The following RHOU variants were observed in gnomAD, a reference collection of about 807,000 sequenced individuals.
The protein encoded by RHOU is rho-related GTP-binding protein RhoU.
Under a neutral mutation model 12.6 loss-of-function variants are expected in RHOU, and 8 were observed. The ratio of observed to expected loss-of-function variants is 0.64; its 90% CI spans 0.37 to 1.15. RHOU has a LOEUF of 1.15. Ranked by LOEUF, RHOU falls within the 50% of genes most tolerant of loss-of-function variation. RHOU has a pLI of 0.01. For missense variants in RHOU, 258 were observed against 347.0 expected (o/e 0.74, Z 2.04); for synonymous variants, 161 against 147.4 (o/e 1.09, Z -0.67).
Position 228,735,848 on chromosome 1 carries a change from C to T in RHOU, c.106C>T (p.Pro36Ser). 3.8e-6 allele frequency: 5 copies of T among 1,316,156 alleles called. No individual in the cohort carries two copies. The highest frequency in any genetic ancestry group is 4.8e-6 in the Non-Finnish European group (5 of 1,035,234). 81.5% of individuals were successfully genotyped at this position (1,316,156 alleles called of 1,614,324 possible). A position where few individuals can be genotyped will look rare whatever the true frequency, so the allele number is the denominator to read the frequency against. Residue 36 changes from proline to serine, a missense_variant, in exon 1 of 3, where the codon CCG becomes TCG. By Grantham distance (74) the Pro-to-Ser change is moderately conservative. Coordinates refer to ENST00000366691, the MANE Select transcript of RHOU (RefSeq NM_021205.6). This position sits in a 1 kb window ranked among gnomAD's most constrained non-coding sequence, Gnocchi z 8.1. ...GGRGGRGPGEPGGRGRAGGAE... is the reference protein window; with the variant it reads ...GGRGGRGPGESGGRGRAGGAE... ...ACGCGGGGGACGCGGGCCTGGGGAG[C>T]CGGGGGGCCGGGGGCGTGCGGGGGG...
At chr1:228,712,847 T>C in the RHOU span, among the ~76,000 whole-genome samples, 1 of 102,030 alleles carries the variant, frequency 9.8e-6, no homozygotes, top group East Asian at 3.4e-4. Flanking sequence ...TAAAATAAAA[T>C]AAAATAAAAT....
At chr1:228,690,394 C>T in the RHOU span, among the ~76,000 whole-genome samples, 4 of 151,578 alleles carry the variant, frequency 2.6e-5, no homozygotes, top group South Asian at 2.1e-4. Flanking sequence ...GGCATGATCT[C>T]GGCTCACCGC....
chr1:228,679,743 G>A, the RHOU span, among the ~76,000 whole-genome samples: 26,490 of 151,678 alleles, frequency 0.17, 3,084 homozygotes, highest in African/African-American at 0.34. Context: ...TCGGGGTAAG[G>A]GTGATTAGGT....
Position 228,737,531 on chromosome 1 carries a change from TGGCTAGTCTTTAATTC to T in RHOU, c.263-141_263-126del, listed in dbSNP as rs1662634365. The T allele has an allele frequency of 1.3e-6, 1 of 794,056 alleles. No homozygotes were observed. The highest frequency in any genetic ancestry group is 1.7e-5 in the African/African-American group (1 of 58,116). The allele number at this position is 794,056 out of a possible 1,614,324, so 49.2% of individuals were successfully genotyped here. On this transcript the variant is annotated intron_variant, in intron 1 of 2. Coordinates refer to ENST00000366691, the MANE Select transcript of RHOU (RefSeq NM_021205.6). The surrounding 1 kb of genome is among the most constrained non-coding windows in gnomAD (Gnocchi z 4.1). ...TGCCTCCACAGGGCCTCCTTGTTTT[TGGCTAGTCTTTAATTC>T]ATTAGAGGACCTAAAATAGGAGCAA...
chr1:228,652,915 AT>A, the RHOU span, among the ~76,000 whole-genome samples: 29 of 152,210 alleles, frequency 1.9e-4, no homozygotes, highest in South Asian at 6.0e-3. Context: ...GAAAGCATTT[AT>A]TTTTTTCTTC....
At chr1:228,685,036 C>T in the RHOU span, among the ~76,000 whole-genome samples, 3 of 152,166 alleles carry the variant, frequency 2.0e-5, no homozygotes, top group South Asian at 2.1e-4. Context: ...TTCTAAACAA[C>T]GGGTGCATTA....
At chr1:228,671,573 C>T in the RHOU span, among the ~76,000 whole-genome samples, 2 of 151,344 alleles carry the variant, frequency 1.3e-5, no homozygotes, top group Non-Finnish European at 2.9e-5. Context: ...AAAAATTAGC[C>T]CAGCATGGTG....
the RHOU span, among the ~76,000 whole-genome samples, chr1:228,702,591 T>C: frequency 3.8e-3 from 586 of 152,296 alleles, 6 homozygotes; most frequent in African/African-American, 0.013. Flanking sequence ...CACAGTCAAA[T>C]CAAGCAAATA....
chr1:228,669,419 G>A, the RHOU span, among the ~76,000 whole-genome samples: 1 of 152,152 alleles, frequency 6.6e-6, no homozygotes, highest in Non-Finnish European at 1.5e-5. Flanking sequence ...TACAGCCTCT[G>A]TGCTTTTTTG....
At chr1:228,739,336 C>T (rs10916363) in intron 2 of RHOU, among the ~76,000 whole-genome samples, 4,736 of 151,998 alleles carry the variant, frequency 0.031, 239 homozygotes, top group African/African-American at 0.11. Flanking sequence ...GAGGCTGAGA[C>T]GGGTGGATCA....
At chr1:228,656,190 G>C in the RHOU span, among the ~76,000 whole-genome samples, 1 of 151,772 alleles carries the variant, frequency 6.6e-6, no homozygotes, top group African/African-American at 2.4e-5. Flanking sequence ...GTTTGGCTCT[G>C]TTGCCTAGGC....
chr1:228,739,869 G>A (rs1021939588), intron 2 of RHOU, among the ~76,000 whole-genome samples: 4 of 152,234 alleles, frequency 2.6e-5, no homozygotes, highest in South Asian at 2.1e-4. Context: ...GCTTAATCTC[G>A]TGGTTTTAGA....
At chr1:228,721,117 C>T in the RHOU span, among the ~76,000 whole-genome samples, 1 of 152,182 alleles carries the variant, frequency 6.6e-6, no homozygotes. Flanking sequence ...GCCTGGCCAA[C>T]ATGGTGAAAC....
chr1:228,694,941 G>A, the RHOU span, among the ~76,000 whole-genome samples: 5 of 152,072 alleles, frequency 3.3e-5, no homozygotes, highest in Admixed American at 2.0e-4. Context: ...GAAACAATAG[G>A]AGGAATATAA....
chr1:228,659,770 G>A, the RHOU span, among the ~76,000 whole-genome samples: 1 of 151,872 alleles, frequency 6.6e-6, no homozygotes, highest in Admixed American at 6.6e-5. Flanking sequence ...GATCACTTGA[G>A]GTCAGGAGTT....
chr1:228,713,178 G>C, the RHOU span, among the ~76,000 whole-genome samples: 2 of 152,118 alleles, frequency 1.3e-5, no homozygotes, highest in East Asian at 3.9e-4. Flanking sequence ...AGCTTCAGGT[G>C]GGGGCTGGTC....
chr1:228,664,001 CCTCCT>C, the RHOU span, among the ~76,000 whole-genome samples: 2 of 124,080 alleles, frequency 1.6e-5, no homozygotes, highest in African/African-American at 6.1e-5. Flanking sequence ...CCTCCCCTCC[CCTCCT>C]CTCCCCTCTC....
At chr1:228,719,655 T>TG in the RHOU span, among the ~76,000 whole-genome samples, 1 of 151,972 alleles carries the variant, frequency 6.6e-6, no homozygotes, top group African/African-American at 2.4e-5. Flanking sequence ...ACTTGAACCC[T>TG]GGGGGTGGAG....
the RHOU span, chr1:228,687,287 G>A: frequency 1.6e-6 from 1 of 643,088 alleles, no homozygotes; most frequent in East Asian, 2.7e-5. Context: ...GTTCCCAAGA[G>A]TTATCCCTTT....
Sources: gnomAD v4.1 joint callset for allele counts (sites outside exome capture counted in the v4.1 genomes callset) on GRCh38, gnomAD v4.1.1 for gene constraint, Gnocchi (gnomAD v3.1) non-coding constraint, MANE v1.5 for transcripts, NCBI Gene and HGNC (gene_info 2026-07-23, HGNC 2026-07-21) for gene names.